Variants in TAAR1 observed in about 807,000 individuals in gnomAD.
TAAR1 encodes the protein trace amine-associated receptor 1.
A neutral mutation model predicts 1.2 loss-of-function variants in TAAR1; 1 was observed. The observed-to-expected ratio is 0.81, with a 90% CI of 0.29 to 3.86. The LOEUF (loss-of-function observed/expected upper bound fraction) is 3.86, where lower values mean the gene tolerates loss of function less well. Among genes scored for constraint, TAAR1 ranks in the 30% most tolerant of loss-of-function variants. The probability of loss-of-function intolerance (pLI) is 0.18; values close to 1 mark genes in which losing one functional copy is unlikely to be tolerated. For synonymous variants in TAAR1, 153 were observed against 132.2 expected (o/e 1.16, Z -1.08); for missense variants, 445 against 405.6 (o/e 1.10, Z -0.83).
At position 132,644,883 on chromosome 6, in the gene TAAR1, G is replaced by T; in HGVS notation, c.*101C>A. ...CATACATACTTTGACTCAAGTAACT[G>T]ATTTAAAAAAAAATCCATGTGGTTG... On this transcript the variant is annotated 3_prime_UTR_variant, in exon 2 of 2. Coordinates refer to ENST00000275216, the MANE Select transcript of TAAR1 (RefSeq NM_138327.4). 1.0e-6 allele frequency: 1 copy of T among 988,556 alleles called. No individual in the cohort carries two copies. The highest frequency in any genetic ancestry group is 1.4e-6 in the Non-Finnish European group (1 of 690,700). 61.2% of individuals were successfully genotyped at this position (988,556 alleles called of 1,614,324 possible). A position where few individuals can be genotyped will look rare whatever the true frequency, so the allele number is the denominator to read the frequency against.
chr6:132,654,296 G>T (rs774468692), intron 1 of TAAR1, among the ~76,000 whole-genome samples: 4 of 152,320 alleles, frequency 2.6e-5, no homozygotes, highest in South Asian at 4.1e-4. Context: ...GCTGTCATGT[G>T]TTCGCATCAG....
rs1355343564 is a variant in TAAR1 at position 132,644,776 on chromosome 6, T to G, written c.*208A>C. On this transcript the variant is annotated 3_prime_UTR_variant, in exon 2 of 2. Transcript: ENST00000275216. ...TAAATACTGGATTTGCAAAGTTCCA[T>G]TATGTGTGGTAAGAATGGAAAAGCG... Among the ~76,000 whole-genome samples the G allele has an allele frequency of 6.6e-6, 1 of 152,020 alleles. No individual in the cohort carries two copies. The highest frequency in any genetic ancestry group is 1.5e-5 in the Non-Finnish European group (1 of 67,972).
At chr6:132,647,065 G>T (rs973056710) in intron 1 of TAAR1, among the ~76,000 whole-genome samples, 3 of 152,092 alleles carry the variant, frequency 2.0e-5, no homozygotes, top group Admixed American at 6.6e-5. Context: ...GAAGTGGCAT[G>T]GTGCAAAGAG....
intron 1 of TAAR1, among the ~76,000 whole-genome samples, chr6:132,651,310 C>T (rs1005085511): frequency 1.3e-5 from 2 of 152,194 alleles, no homozygotes; most frequent in East Asian, 3.9e-4. Context: ...ATAGTCTACA[C>T]TCTGATGAGT....
At chr6:132,656,735 T>A (rs1777808025) in intron 1 of TAAR1, among the ~76,000 whole-genome samples, 2 of 152,100 alleles carry the variant, frequency 1.3e-5, no homozygotes, top group African/African-American at 4.8e-5. Flanking sequence ...AGGAAAGAAG[T>A]TCAGGCTAGC....
chr6:132,657,452 T>C (rs139121124), intron 1 of TAAR1, among the ~76,000 whole-genome samples: 13 of 152,098 alleles, frequency 8.5e-5, no homozygotes, highest in African/African-American at 3.1e-4. Context: ...AATGATCTGG[T>C]TCTTTCTATA....
At chr6:132,656,744 G>A (rs963262927) in intron 1 of TAAR1, among the ~76,000 whole-genome samples, 30 of 152,160 alleles carry the variant, frequency 2.0e-4, no homozygotes, top group African/African-American at 7.2e-4. Flanking sequence ...GTTCAGGCTA[G>A]CATAGGACAT....
chr6:132,652,135 G>A (rs1357098653), intron 1 of TAAR1, among the ~76,000 whole-genome samples: 2 of 151,966 alleles, frequency 1.3e-5, no homozygotes, highest in East Asian at 3.9e-4. Context: ...CTACAAATCT[G>A]GAGCTCTGTG....
At position 132,644,992 on chromosome 6, in the gene TAAR1, T is replaced by G; in HGVS notation, c.1012A>C (p.Ser338Arg). Residue 338 changes from serine (S) to arginine (R), a missense_variant, in exon 2 of 2, where the codon AGT (serine) becomes CGT (arginine). Physicochemically the swap from Ser to Arg is moderately radical, Grantham distance 110 (BLOSUM62 -1). Transcript: ENST00000275216. ...AGTAAAATATAATAATTCTATGAAC[T>G]CAATTCCAAAAATAATTTACACCTG... Reference protein sequence around the residue: ...SSRCKLFLELSS With the variant: ...SSRCKLFLELRS 6.4e-7 allele frequency: 1 copy of G among 1,555,980 alleles called. No homozygotes were observed. The highest frequency in any genetic ancestry group is 1.4e-5 in the African/African-American group (1 of 72,154).
intron 1 of TAAR1, among the ~76,000 whole-genome samples, chr6:132,649,548 G>A (rs1272426400): frequency 6.6e-6 from 1 of 152,126 alleles, no homozygotes. Context: ...AAAGGAAAGA[G>A]GTTTAATTGA....
intron 1 of TAAR1, among the ~76,000 whole-genome samples, chr6:132,651,616 C>G (rs6902492): frequency 0.54 from 82,460 of 151,990 alleles, 24,048 homozygotes; most frequent in East Asian, 0.86. Context: ...ATCATTTCTC[C>G]TCATTTCTAC....
chr6:132,658,747 A>G (rs919306128), intron 1 of TAAR1, among the ~76,000 whole-genome samples: 15 of 152,336 alleles, frequency 9.8e-5, no homozygotes, highest in Non-Finnish European at 2.1e-4. Context: ...AAACTAGCCA[A>G]TGTACACAGC....
intron 1 of TAAR1, among the ~76,000 whole-genome samples, chr6:132,647,724 G>T (rs968060879): frequency 2.6e-5 from 4 of 151,848 alleles, no homozygotes; most frequent in African/African-American, 9.7e-5. Context: ...AGGAGAAAGA[G>T]CTTGGGGAAG....
At chr6:132,655,798 T>G (rs574851701) in intron 1 of TAAR1, among the ~76,000 whole-genome samples, 2 of 152,240 alleles carry the variant, frequency 1.3e-5, no homozygotes, top group East Asian at 3.9e-4. Flanking sequence ...AGCACAGCAA[T>G]GTTTGTCAGG....
At chr6:132,658,852 AAG>A (rs1777838505) in intron 1 of TAAR1, among the ~76,000 whole-genome samples, 1 of 152,204 alleles carries the variant, frequency 6.6e-6, no homozygotes. Flanking sequence ...TTTTTAATAA[AAG>A]AGAAACAACA....
chr6:132,655,210 T>C (rs1777791330), intron 1 of TAAR1, among the ~76,000 whole-genome samples: 1 of 151,954 alleles, frequency 6.6e-6, no homozygotes. Context: ...AGAGTACAGA[T>C]AAACATTTGA....
Position 132,644,911 on chromosome 6 carries a change from G to T in TAAR1, c.*73C>A. Reference sequence around the variant, plus strand: ...TTAAAAAAAAATCCATGTGGTTGGTGCATGTGGTTCGTTATGTTGTGTTCA... The same window carrying T: ...TTAAAAAAAAATCCATGTGGTTGGTTCATGTGGTTCGTTATGTTGTGTTCA... On this transcript the variant is annotated 3_prime_UTR_variant, in exon 2 of 2. Transcript: ENST00000275216. 8.1e-7 allele frequency: 1 copy of T among 1,235,418 alleles called. No homozygotes were observed. The highest frequency in any genetic ancestry group is 1.1e-6 in the Non-Finnish European group (1 of 910,030). The allele number at this position is 1,235,418 out of a possible 1,614,324, so 76.5% of individuals were successfully genotyped here. A position where few individuals can be genotyped will look rare whatever the true frequency, so the allele number is the denominator to read the frequency against.
chr6:132,656,052 C>T (rs1232939566), intron 1 of TAAR1, among the ~76,000 whole-genome samples: 1 of 152,074 alleles, frequency 6.6e-6, no homozygotes, highest in East Asian at 1.9e-4. Context: ...GAAGAGCAGG[C>T]CTTTAGTGCT....
At position 132,645,907 on chromosome 6, in the gene TAAR1, T is replaced by C; in HGVS notation, c.97A>G (p.Ile33Val). ...TTGCCAACGAGTGTGGTCAGAATTA[T>C]GAGCACCATTAAACTGTACAGGGAA... ...RASLYSLMVL[I>V]ILTTLVGNLI... The change falls in exon 2 of 2, where the codon ATA becomes GTA. Residue 33 changes from isoleucine to valine, a missense_variant. Ile to Val is a conservative substitution (Grantham distance 29). Transcript: ENST00000275216. 6.2e-7 allele frequency: 1 copy of C among 1,613,838 alleles called. No individual in the cohort carries two copies. The highest frequency in any genetic ancestry group is 2.2e-5 in the East Asian group (1 of 44,874).
Sources: allele counts gnomAD v4.1 joint callset (sites outside exome capture counted in the v4.1 genomes callset), GRCh38; gene constraint gnomAD v4.1.1; transcripts MANE v1.5; gene names NCBI Gene and HGNC (gene_info 2026-07-23, HGNC 2026-07-21).